ADAMTSL1: variants seen among roughly 807,000 people sequenced by gnomAD.
The protein encoded by ADAMTSL1 is ADAMTS like 1, also known as ADAMTS-like protein 1.
A neutral mutation model predicts 201.8 loss-of-function variants in ADAMTSL1; 126 were observed. That is an observed-to-expected ratio of 0.62 (90% CI 0.54 to 0.72). ADAMTSL1 has a LOEUF of 0.72. ADAMTSL1 is among the 30% of genes least tolerant of loss of function. The probability of loss-of-function intolerance (pLI) is 0.00; values close to 1 mark genes in which losing one functional copy is unlikely to be tolerated. For missense variants in ADAMTSL1, 2,679 were observed against 2,277.8 expected, an observed-to-expected ratio of 1.18 and a Z score of -3.59; for synonymous variants, 1,121 against 903.4, an observed-to-expected ratio of 1.24 and a Z score of -4.32.
intron 1 of ADAMTSL1, among the ~76,000 whole-genome samples, chr9:17,967,162 A>C (rs1039563862): frequency 6.6e-6 from 1 of 152,094 alleles, no homozygotes; most frequent in Admixed American, 6.6e-5. Context: ...GCATGTCCGG[A>C]TGTAGGTAGG....
chr9:18,189,142 G>T (rs1488997734), intron 2 of ADAMTSL1, among the ~76,000 whole-genome samples: 1 of 152,080 alleles, frequency 6.6e-6, no homozygotes, highest in Non-Finnish European at 1.5e-5. Flanking sequence ...TTAAGAGGAA[G>T]GAATTAGTTC....
intron 1 of ADAMTSL1, among the ~76,000 whole-genome samples, chr9:18,029,560 A>C (rs1444997390): frequency 6.6e-6 from 1 of 152,170 alleles, no homozygotes; most frequent in Non-Finnish European, 1.5e-5. Flanking sequence ...ATCTCATTAA[A>C]CTAAAGAGCT....
chr9:18,629,074 A>G (rs759954003), intron 5 of ADAMTSL1, among the ~76,000 whole-genome samples: 1 of 152,210 alleles, frequency 6.6e-6, no homozygotes, highest in Non-Finnish European at 1.5e-5. Flanking sequence ...CCTAGTTCAC[A>G]GAAACATGAT....
intron 2 of ADAMTSL1, among the ~76,000 whole-genome samples, chr9:18,316,663 C>G (rs1172890927): frequency 6.6e-6 from 1 of 152,092 alleles, no homozygotes; most frequent in Non-Finnish European, 1.5e-5. Flanking sequence ...ATTGCTCAAA[C>G]ACACATGCTG....
At chr9:18,507,625 A>G (rs1817755000) in intron 2 of ADAMTSL1, among the ~76,000 whole-genome samples, 1 of 152,208 alleles carries the variant, frequency 6.6e-6, no homozygotes, top group African/African-American at 2.4e-5. Context: ...GCTATTATTG[A>G]ACAGCTTAGA....
intron 3 of ADAMTSL1, among the ~76,000 whole-genome samples, chr9:18,549,646 C>T (rs941314932): frequency 1.3e-5 from 2 of 151,956 alleles, no homozygotes; most frequent in Admixed American, 1.3e-4. Context: ...TGAACTTCCC[C>T]AACCCTTTGA....
At chr9:18,057,752 C>T (rs1313783676) in intron 1 of ADAMTSL1, among the ~76,000 whole-genome samples, 1 of 152,210 alleles carries the variant, frequency 6.6e-6, no homozygotes, top group African/African-American at 2.4e-5. Context: ...AGACTCTTTG[C>T]ACATGCTGTT....
At chr9:18,208,224 T>C (rs1399078906) in intron 2 of ADAMTSL1, among the ~76,000 whole-genome samples, 1 of 152,140 alleles carries the variant, frequency 6.6e-6, no homozygotes, top group Non-Finnish European at 1.5e-5. Context: ...CTCCTTGAAA[T>C]ATAACATGTA....
At chr9:18,351,459 G>A (rs993773244) in intron 2 of ADAMTSL1, among the ~76,000 whole-genome samples, 1 of 151,578 alleles carries the variant, frequency 6.6e-6, no homozygotes, top group African/African-American at 2.4e-5. Flanking sequence ...TTAATCTTTG[G>A]TGTTTAATTC....
At chr9:18,643,823 T>C (rs944484745) in intron 7 of ADAMTSL1, among the ~76,000 whole-genome samples, 2 of 151,962 alleles carry the variant, frequency 1.3e-5, no homozygotes, top group African/African-American at 4.8e-5. Flanking sequence ...GATGCCTTTA[T>C]CTTTTTTCTT....
chr9:18,517,711 T>G (rs1818447843), intron 2 of ADAMTSL1, among the ~76,000 whole-genome samples: 1 of 152,194 alleles, frequency 6.6e-6, no homozygotes, highest in African/African-American at 2.4e-5. Flanking sequence ...GAATGATGAT[T>G]TCCAATTTCA....
At chr9:18,862,175 G>T (rs186499994) in intron 23 of ADAMTSL1, among the ~76,000 whole-genome samples, 3 of 152,246 alleles carry the variant, frequency 2.0e-5, no homozygotes, top group Admixed American at 2.0e-4. Context: ...CTGTGGCTTT[G>T]GTTCAGCAGA....
intron 2 of ADAMTSL1, among the ~76,000 whole-genome samples, chr9:18,399,823 C>G (rs754445435): frequency 6.6e-6 from 1 of 152,086 alleles, no homozygotes; most frequent in Admixed American, 6.6e-5. Context: ...CTAGAGTTGC[C>G]TTTGTTCCTG....
At chr9:18,704,215 A>T (rs1832100738) in intron 13 of ADAMTSL1, among the ~76,000 whole-genome samples, 1 of 152,172 alleles carries the variant, frequency 6.6e-6, no homozygotes, top group South Asian at 2.1e-4. Flanking sequence ...TTGTTTACAT[A>T]TTTCATTCCA....
At chr9:18,063,100 G>GGGA (rs1822533278) in intron 1 of ADAMTSL1, among the ~76,000 whole-genome samples, 1 of 152,186 alleles carries the variant, frequency 6.6e-6, no homozygotes, top group Admixed American at 6.5e-5. Context: ...AGGCTGAAAT[G>GGGA]GGAGGATTGC....
chr9:18,213,687 C>T (rs1345372532), intron 2 of ADAMTSL1, among the ~76,000 whole-genome samples: 1 of 152,116 alleles, frequency 6.6e-6, no homozygotes, highest in Non-Finnish European at 1.5e-5. Flanking sequence ...ACGGAAACCT[C>T]AGAGATAGAG....
intron 2 of ADAMTSL1, among the ~76,000 whole-genome samples, chr9:18,271,661 C>T (rs1832373855): frequency 1.3e-5 from 2 of 152,130 alleles, no homozygotes; most frequent in South Asian, 4.1e-4. Flanking sequence ...TTTATAGCAG[C>T]ATGATTTATA....
chr9:18,211,333 C>T (rs543841620), intron 2 of ADAMTSL1, among the ~76,000 whole-genome samples: 38 of 152,148 alleles, frequency 2.5e-4, no homozygotes, highest in Non-Finnish European at 4.9e-4. Context: ...TCCATTTTTT[C>T]CCTATTCCAT....
chr9:18,643,870 TG>T (rs1242837710), intron 7 of ADAMTSL1, among the ~76,000 whole-genome samples: 1 of 152,048 alleles, frequency 6.6e-6, no homozygotes, highest in African/African-American at 2.4e-5. Flanking sequence ...TGGGGTATTT[TG>T]TGGTTCCATT....
Sources: allele counts gnomAD v4.1 joint callset (sites outside exome capture counted in the v4.1 genomes callset), GRCh38; gene constraint gnomAD v4.1.1; transcripts MANE v1.5; gene names NCBI Gene and HGNC (gene_info 2026-07-23, HGNC 2026-07-21).